The following CADM2 variants were observed in gnomAD, a reference collection of about 807,000 sequenced individuals.
CADM2 encodes immunoglobulin superfamily member 4D.
Under a neutral mutation model 49.8 loss-of-function variants are expected in CADM2, and 12 were observed. The observed-to-expected ratio is 0.24, with a 90% confidence interval of 0.15 to 0.39. The LOEUF (loss-of-function observed/expected upper bound fraction) is 0.39. Ranked by LOEUF, CADM2 falls within the 10% of genes least tolerant of loss-of-function variation. CADM2 has a pLI of 1.00. For synonymous variants in CADM2, 214 were observed against 175.4 expected, an observed-to-expected ratio of 1.22 and a Z score of -1.74; for missense variants, 378 against 492.3, an observed-to-expected ratio of 0.77 and a Z score of 2.20.
intron 1 of CADM2, among the ~76,000 whole-genome samples, chr3:85,693,014 G>A (rs916938285): frequency 3.0e-4 from 45 of 151,982 alleles, no homozygotes; most frequent in African/African-American, 1.1e-3. Flanking sequence ...CGGATCACTA[G>A]ATCAAGAGAT....
intron 1 of CADM2, among the ~76,000 whole-genome samples, chr3:85,624,116 A>T (rs2064053892): frequency 6.6e-6 from 1 of 152,196 alleles, no homozygotes; most frequent in Admixed American, 6.6e-5. Context: ...TAGGCTAATT[A>T]ATTCATATAA....
intron 1 of CADM2, among the ~76,000 whole-genome samples, chr3:85,431,870 T>TATATATATATATATATATATATATATGC (rs1553722715): frequency 8.2e-6 from 1 of 121,470 alleles, no homozygotes; most frequent in African/African-American, 3.1e-5. Context: ...CATATATATA[T>TATATATATATATATATATATATATATGC]ATGCCATGCT....
At chr3:85,220,476 A>G (rs911633808) in intron 1 of CADM2, among the ~76,000 whole-genome samples, 14 of 152,164 alleles carry the variant, frequency 9.2e-5, no homozygotes, top group Non-Finnish European at 1.8e-4. Context: ...TTGTCTCTGT[A>G]ATGTCAAGCA....
At chr3:85,134,873 A>G (rs2039367656) in intron 1 of CADM2, among the ~76,000 whole-genome samples, 1 of 152,076 alleles carries the variant, frequency 6.6e-6, no homozygotes, top group African/African-American at 2.4e-5. Flanking sequence ...TGGGGATATA[A>G]TTTCAAATAA....
chr3:85,483,847 G>T (rs2039311272), intron 1 of CADM2, among the ~76,000 whole-genome samples: 2 of 151,326 alleles, frequency 1.3e-5, no homozygotes, highest in Non-Finnish European at 3.0e-5. Context: ...TTACTATTTT[G>T]TAACTGGTTA....
intron 1 of CADM2, among the ~76,000 whole-genome samples, chr3:85,245,017 T>TTG (rs1177913368): frequency 6.6e-6 from 1 of 152,128 alleles, no homozygotes; most frequent in Non-Finnish European, 1.5e-5. Flanking sequence ...AGTCACGTAA[T>TTG]AGTCATTTCA....
chr3:85,809,732 C>T (rs2072709186), intron 3 of CADM2, among the ~76,000 whole-genome samples: 2 of 132,314 alleles, frequency 1.5e-5, no homozygotes, highest in African/African-American at 5.8e-5. Flanking sequence ...TCCTTCCCTC[C>T]CTCCCTCCCT....
chr3:85,467,287 G>A (rs2038539014), intron 1 of CADM2, among the ~76,000 whole-genome samples: 1 of 152,046 alleles, frequency 6.6e-6, no homozygotes, highest in South Asian at 2.1e-4. Context: ...AGAATTTAGA[G>A]TTTTGGTATG....
chr3:85,840,433 C>G (rs994943669), intron 3 of CADM2, among the ~76,000 whole-genome samples: 2 of 151,818 alleles, frequency 1.3e-5, no homozygotes, highest in African/African-American at 2.4e-5. Context: ...TTATTTGCAT[C>G]AAGAATATTC....
intron 1 of CADM2, among the ~76,000 whole-genome samples, chr3:85,673,580 A>G (rs2065809572): frequency 6.6e-6 from 1 of 151,936 alleles, no homozygotes; most frequent in South Asian, 2.1e-4. Flanking sequence ...TGACAGAACT[A>G]TTGAATGGTA....
intron 1 of CADM2, among the ~76,000 whole-genome samples, chr3:85,007,169 T>G (rs1324383685): frequency 2.0e-5 from 3 of 152,174 alleles, no homozygotes; most frequent in African/African-American, 7.2e-5. Flanking sequence ...TTTTAGTTGT[T>G]AGAATTTTAA....
intron 1 of CADM2, among the ~76,000 whole-genome samples, chr3:85,397,943 A>G (rs1247530006): frequency 6.6e-6 from 1 of 152,188 alleles, no homozygotes; most frequent in Admixed American, 6.5e-5. Flanking sequence ...TAGACTGCAT[A>G]TGTTAGTAGC....
chr3:85,543,435 T>TGTGTGTGG (rs1407892341), intron 1 of CADM2, among the ~76,000 whole-genome samples: 2 of 150,456 alleles, frequency 1.3e-5, no homozygotes, highest in Non-Finnish European at 1.5e-5. Context: ...TGTGTGTGTG[T>TGTGTGTGG]GTGTGTGTGT....
chr3:85,747,350 T>G (rs776723134), intron 2 of CADM2, among the ~76,000 whole-genome samples: 2 of 152,130 alleles, frequency 1.3e-5, no homozygotes, highest in Non-Finnish European at 2.9e-5. Flanking sequence ...ACACATTACT[T>G]AAACACAGAT....
chr3:85,369,673 T>A (rs72905440), intron 1 of CADM2, among the ~76,000 whole-genome samples: 2,181 of 152,174 alleles, frequency 0.014, 57 homozygotes, highest in African/African-American at 0.049. Flanking sequence ...AATGTAAACA[T>A]GTTTGTTCAA....
intron 1 of CADM2, among the ~76,000 whole-genome samples, chr3:85,340,735 ATGT>A (rs1434235214): frequency 1.3e-5 from 2 of 151,604 alleles, no homozygotes; most frequent in African/African-American, 4.8e-5. Flanking sequence ...AGCATTGGAA[ATGT>A]TGTCAATTTA....
intron 1 of CADM2, among the ~76,000 whole-genome samples, chr3:85,068,467 A>G (rs780645029): frequency 3.3e-5 from 5 of 152,128 alleles, no homozygotes; most frequent in Non-Finnish European, 7.4e-5. Context: ...CTGAGGTTGA[A>G]GTTTAAACTG....
intron 1 of CADM2, among the ~76,000 whole-genome samples, chr3:85,480,108 C>T (rs113304160): frequency 6.6e-6 from 1 of 151,564 alleles, no homozygotes; most frequent in African/African-American, 2.4e-5. Context: ...GTGGAGGCAA[C>T]CAAACTGCAT....
chr3:85,314,357 G>A (rs913926108), intron 1 of CADM2, among the ~76,000 whole-genome samples: 3 of 148,886 alleles, frequency 2.0e-5, no homozygotes, highest in Non-Finnish European at 4.5e-5. Flanking sequence ...GCAATTTTCT[G>A]TTTTTTTTTA....
Sources: gnomAD v4.1 joint callset for allele counts (sites outside exome capture counted in the v4.1 genomes callset) on GRCh38, gnomAD v4.1.1 for gene constraint, MANE v1.5 for transcripts, NCBI Gene and HGNC (gene_info 2026-07-23, HGNC 2026-07-21) for gene names.